GPC6: variants seen among roughly 807,000 people sequenced by gnomAD.
The protein encoded by GPC6 is glypican-6.
Under a neutral mutation model 55.2 loss-of-function variants are expected in GPC6, and 14 were observed. The observed-to-expected ratio is 0.25, with a 90% CI of 0.17 to 0.40. The LOEUF (loss-of-function observed/expected upper bound fraction) is 0.40, where lower values mean the gene tolerates loss of function less well. Among genes scored for constraint, GPC6 ranks in the 10% least tolerant of loss-of-function variants. The pLI is 1.00. For synonymous variants in GPC6, 278 were observed against 259.6 expected (o/e 1.07, Z -0.68); for missense variants, 641 against 708.5 (o/e 0.90, Z 1.08).
chr13:93,787,425 CG>C (rs1885848135), intron 2 of GPC6, among the ~76,000 whole-genome samples: 1 of 152,158 alleles, frequency 6.6e-6, no homozygotes, highest in Non-Finnish European at 1.5e-5. Context: ...TTTATAAAAA[CG>C]GGCAATGGGC....
chr13:93,789,200 A>C (rs1050539279), intron 2 of GPC6, among the ~76,000 whole-genome samples: 17 of 152,142 alleles, frequency 1.1e-4, no homozygotes, highest in Non-Finnish European at 2.2e-4. Flanking sequence ...TGAAATGACT[A>C]ATTGCTGAGG....
chr13:94,114,942 A>G (rs973324914), intron 4 of GPC6, among the ~76,000 whole-genome samples: 2 of 152,138 alleles, frequency 1.3e-5, no homozygotes, highest in Non-Finnish European at 2.9e-5. Context: ...TCAAAAAGCT[A>G]GTTCATGGCC....
intron 2 of GPC6, among the ~76,000 whole-genome samples, chr13:93,689,629 T>C (rs943002955): frequency 6.6e-6 from 1 of 152,084 alleles, no homozygotes; most frequent in African/African-American, 2.4e-5. Flanking sequence ...ATGTATATGG[T>C]CCTATTTCCC....
intron 7 of GPC6, among the ~76,000 whole-genome samples, chr13:94,396,510 G>C (rs6492704): frequency 0.63 from 96,218 of 152,158 alleles, 31,167 homozygotes; most frequent in African/African-American, 0.72. Context: ...GCTTCAAGGG[G>C]TGAGTTTGTG....
chr13:93,347,246 G>A (rs1052294341), intron 1 of GPC6, among the ~76,000 whole-genome samples: 6 of 152,126 alleles, frequency 3.9e-5, no homozygotes, highest in East Asian at 3.9e-4. Flanking sequence ...TGAAATAAAC[G>A]GTCTAAGTTT....
intron 1 of GPC6, among the ~76,000 whole-genome samples, chr13:93,284,298 C>T (rs1878041845): frequency 2.0e-5 from 3 of 152,122 alleles, no homozygotes; most frequent in Admixed American, 2.0e-4. Flanking sequence ...AAGCCAGCCT[C>T]AAATCATGTG....
intron 2 of GPC6, among the ~76,000 whole-genome samples, chr13:93,789,023 T>A (rs1885903908): frequency 6.6e-6 from 1 of 151,994 alleles, no homozygotes; most frequent in Non-Finnish European, 1.5e-5. Flanking sequence ...TTTTGGAGGT[T>A]GCACCCATAG....
chr13:93,874,426 T>G (rs1276791271), intron 3 of GPC6, among the ~76,000 whole-genome samples: 1 of 151,776 alleles, frequency 6.6e-6, no homozygotes, highest in Non-Finnish European at 1.5e-5. Context: ...ATATGTACCA[T>G]ATTTTCTTTA....
intron 3 of GPC6, among the ~76,000 whole-genome samples, chr13:93,965,106 G>GTTTTT (rs5805837): frequency 1.5e-5 from 1 of 67,348 alleles, no homozygotes. Flanking sequence ...CTATGAGTTT[G>GTTTTT]TTTTTTTTTT....
At chr13:93,490,476 T>TC in intron 1 of GPC6, among the ~76,000 whole-genome samples, 1 of 144,706 alleles carries the variant, frequency 6.9e-6, no homozygotes, top group Non-Finnish European at 1.5e-5. Context: ...TTTTTTTTTT[T>TC]TCAACTTGAG....
chr13:93,618,585 T>C (rs1025824972), intron 2 of GPC6, among the ~76,000 whole-genome samples: 1 of 152,122 alleles, frequency 6.6e-6, no homozygotes, highest in Non-Finnish European at 1.5e-5. Context: ...ATGTCTCTAA[T>C]TACACTTTGG....
At chr13:93,728,358 A>C (rs1482726064) in intron 2 of GPC6, among the ~76,000 whole-genome samples, 9 of 151,714 alleles carry the variant, frequency 5.9e-5, no homozygotes, top group Non-Finnish European at 1.0e-4. Context: ...CTGGGAATAC[A>C]GGCCTACCAC....
intron 4 of GPC6, among the ~76,000 whole-genome samples, chr13:94,251,890 C>CA (rs11416219): frequency 0.098 from 14,937 of 152,016 alleles, 981 homozygotes; most frequent in African/African-American, 0.18. Context: ...TCTCCTGCTG[C>CA]AAAATCCATC....
At chr13:94,082,645 T>C (rs1471904741) in intron 4 of GPC6, among the ~76,000 whole-genome samples, 2 of 152,156 alleles carry the variant, frequency 1.3e-5, no homozygotes, top group Non-Finnish European at 2.9e-5. Context: ...TCTCCCCTCT[T>C]CTGCCCTACT....
At chr13:94,374,433 G>A (rs1176061827) in intron 6 of GPC6, among the ~76,000 whole-genome samples, 6 of 148,592 alleles carry the variant, frequency 4.0e-5, no homozygotes, top group Non-Finnish European at 8.9e-5. Context: ...TGATAAAACA[G>A]ACTTTAAACC....
At chr13:94,185,567 G>A in intron 4 of GPC6, among the ~76,000 whole-genome samples, 1 of 151,610 alleles carries the variant, frequency 6.6e-6, no homozygotes, top group East Asian at 1.9e-4. Context: ...GGGGATAATA[G>A]AACAATTTAC....
intron 7 of GPC6, among the ~76,000 whole-genome samples, chr13:94,386,738 A>G (rs1315094937): frequency 4.6e-5 from 7 of 152,248 alleles, no homozygotes; most frequent in Non-Finnish European, 1.0e-4. Flanking sequence ...TAGGTCTCCA[A>G]TAAACCAGAC....
At chr13:93,325,335 T>C (rs914630898) in intron 1 of GPC6, among the ~76,000 whole-genome samples, 3 of 152,192 alleles carry the variant, frequency 2.0e-5, no homozygotes, top group African/African-American at 7.2e-5. Flanking sequence ...TAAGGTCTAA[T>C]GTGGCTTTTG....
At chr13:93,572,449 G>A (rs1176624666) in intron 2 of GPC6, among the ~76,000 whole-genome samples, 2 of 152,058 alleles carry the variant, frequency 1.3e-5, no homozygotes, top group Admixed American at 6.6e-5. Flanking sequence ...CAGGTAGCTT[G>A]TTAGAAGTAC....
Sources: allele counts gnomAD v4.1 joint callset (sites outside exome capture counted in the v4.1 genomes callset), GRCh38; gene constraint gnomAD v4.1.1; transcripts MANE v1.5; gene names NCBI Gene and HGNC (gene_info 2026-07-23, HGNC 2026-07-21).